DOCK2: variants seen among roughly 807,000 people sequenced by gnomAD.
DOCK2 encodes the protein dedicator of cytokinesis protein 2.
A neutral mutation model predicts 248.9 loss-of-function variants in DOCK2; 87 were observed. The observed-to-expected ratio is 0.35, with a 90% CI of 0.29 to 0.42. DOCK2 has a LOEUF of 0.42. Among genes scored for constraint, DOCK2 ranks in the 10% least tolerant of loss-of-function variants. DOCK2 has a pLI of 1.00. For missense variants in DOCK2, 1,747 were observed against 2,300.2 expected (o/e 0.76, Z 4.92); for synonymous variants, 805 against 821.6 (o/e 0.98, Z 0.35).
intron 27 of DOCK2, among the ~76,000 whole-genome samples, chr5:169,915,602 A>G (rs1774832223): frequency 6.7e-6 from 1 of 150,274 alleles, no homozygotes; most frequent in African/African-American, 2.5e-5. Context: ...ACACACACAC[A>G]GAGGGAGGGA....
In DOCK2 at chr5:169,702,389, A is replaced by G. The variant is rs1411417063; in HGVS notation, c.1345A>G (p.Ile449Val). Residue 449 changes from isoleucine (I) to valine (V), a missense_variant, in exon 14 of 52, where the codon ATC becomes GTC. Coordinates refer to ENST00000520908, the MANE Select transcript of DOCK2 (RefSeq NM_004946.3). ...GACCACACAGAGGAATGTGGAAGTC[A>G]TCATGTGTGTGTGCGCGGAGGATGG... is the stretch of plus-strand genomic sequence containing the variant. ...NKTTQRNVEV[I>V]MCVCAEDGKT... is the part of the protein sequence containing the mutation. 1.9e-6 allele frequency: 3 copies of G among 1,613,888 alleles called. No homozygotes were observed. The highest frequency in any genetic ancestry group is 2.5e-6 in the Non-Finnish European group (3 of 1,179,892).
intron 41 of DOCK2, 47 bp downstream of exon 41, chr5:170,050,444 C>G (rs2113852678): frequency 1.3e-6 from 2 of 1,569,274 alleles, no homozygotes; most frequent in Non-Finnish European, 1.7e-6. Flanking sequence ...CTGAGCAGCC[C>G]TGCCAGGGCT....
chr5:169,645,994 CCA>C (rs1757436309), intron 1 of DOCK2, among the ~76,000 whole-genome samples: 4 of 152,248 alleles, frequency 2.6e-5, no homozygotes, highest in African/African-American at 9.6e-5. Flanking sequence ...CATGATCCGC[CCA>C]TCTCAGCCTC....
At chr5:169,914,274 C>T (rs1428744872) in intron 27 of DOCK2, among the ~76,000 whole-genome samples, 1 of 152,184 alleles carries the variant, frequency 6.6e-6, no homozygotes, top group Non-Finnish European at 1.5e-5. Flanking sequence ...CTCAATTCAC[C>T]TTACCCCATT....
At chr5:169,959,193 C>G (rs1776982143) in intron 27 of DOCK2, among the ~76,000 whole-genome samples, 1 of 151,964 alleles carries the variant, frequency 6.6e-6, no homozygotes, top group South Asian at 2.1e-4. Flanking sequence ...GACATTGAGA[C>G]CATCCTGGCT....
chr5:169,661,115 T>G (rs1178543637), intron 2 of DOCK2, among the ~76,000 whole-genome samples: 1 of 152,222 alleles, frequency 6.6e-6, no homozygotes, highest in East Asian at 1.9e-4. Context: ...GGACAAACTC[T>G]CTGAGTTTTT....
intron 26 of DOCK2, among the ~76,000 whole-genome samples, chr5:169,825,648 A>G (rs1463741892): frequency 6.6e-6 from 1 of 150,922 alleles, no homozygotes; most frequent in Non-Finnish European, 1.5e-5. Context: ...GAGAGATAGC[A>G]TTAGGAGAAA....
intron 26 of DOCK2, among the ~76,000 whole-genome samples, chr5:169,807,782 C>T (rs998909696): frequency 2.3e-5 from 3 of 129,234 alleles, no homozygotes; most frequent in Admixed American, 9.7e-5. Flanking sequence ...TGCAGTGAGC[C>T]GAGATCATGG....
intron 1 of DOCK2, among the ~76,000 whole-genome samples, chr5:169,649,132 G>A (rs572108152): frequency 6.6e-6 from 1 of 152,310 alleles, no homozygotes; most frequent in African/African-American, 2.4e-5. Flanking sequence ...TTTCCCCCTG[G>A]AGTGGAGACT....
intron 6 of DOCK2, among the ~76,000 whole-genome samples, chr5:169,675,080 C>T (rs1010185206): frequency 3.3e-5 from 5 of 152,218 alleles, no homozygotes; most frequent in African/African-American, 1.2e-4. Context: ...TATAATAACT[C>T]TATGGAGTAT....
chr5:169,942,324 C>A (rs1776274918), intron 27 of DOCK2, among the ~76,000 whole-genome samples: 1 of 152,128 alleles, frequency 6.6e-6, no homozygotes, highest in African/African-American at 2.4e-5. Context: ...CATGCCTCTC[C>A]CATGGTCTAA....
chr5:169,974,553 C>T (rs13184164), intron 27 of DOCK2, among the ~76,000 whole-genome samples: 36,537 of 152,090 alleles, frequency 0.24, 4,872 homozygotes, highest in Non-Finnish European at 0.31. Flanking sequence ...CCTTTACCCA[C>T]AGAAGGTTGA....
intron 27 of DOCK2, among the ~76,000 whole-genome samples, chr5:169,865,521 G>T (rs572293504): frequency 6.6e-6 from 1 of 152,170 alleles, no homozygotes; most frequent in Non-Finnish European, 1.5e-5. Context: ...GCTGAGCACG[G>T]GTTCCCTCTG....
intron 27 of DOCK2, among the ~76,000 whole-genome samples, chr5:169,981,841 T>G (rs944105937): frequency 3.3e-5 from 5 of 152,214 alleles, no homozygotes; most frequent in African/African-American, 1.2e-4. Context: ...ATAATGCTAT[T>G]GCATACTTAA....
chr5:170,077,782 T>C lies in DOCK2; in HGVS notation c.4939T>C (p.Ser1647Pro). ...CTCATACAGACAGATGTCCATCATC[T>C]CTCTGGCTTCCATGAATTCTGACTG... ...LRSYRQMSIISLASMNSDCST... is the reference protein window; with the variant it reads ...LRSYRQMSIIPLASMNSDCST... The change falls in exon 48 of 52, where the codon TCT (serine) becomes CCT (proline). Residue 1647 changes from serine (S) to proline (P), a missense_variant. Ser to Pro is a moderately conservative substitution (Grantham distance 74). Transcript: ENST00000520908. 6.2e-7 allele frequency: 1 copy of C among 1,613,746 alleles called. No individual in the cohort carries two copies. Among genetic ancestry groups the C allele is most frequent in the Non-Finnish European group, 8.5e-7 (1 of 1,179,964 alleles).
At chr5:170,020,464 T>C (rs1755682876) in intron 33 of DOCK2, among the ~76,000 whole-genome samples, 1 of 152,242 alleles carries the variant, frequency 6.6e-6, no homozygotes, top group Admixed American at 6.5e-5. Flanking sequence ...ATGATGATGA[T>C]GATTATAATG....
intron 29 of DOCK2, 94 bp downstream of exon 29, chr5:169,986,016 C>G: frequency 1.7e-6 from 2 of 1,199,110 alleles, no homozygotes; most frequent in Non-Finnish European, 2.3e-6. Context: ...TTTCTCCTTG[C>G]TGAAAAGAAA....
At chr5:169,903,513 A>AGGAGCC (rs1219085346) in intron 27 of DOCK2, among the ~76,000 whole-genome samples, 48 of 114,940 alleles carry the variant, frequency 4.2e-4, no homozygotes, top group African/African-American at 1.4e-3. Flanking sequence ...GGAAGAGAGT[A>AGGAGCC]GGAGCCAGCG....
At chr5:169,988,279 T>C (rs1384281070) in intron 29 of DOCK2, among the ~76,000 whole-genome samples, 2 of 152,012 alleles carry the variant, frequency 1.3e-5, no homozygotes, top group Non-Finnish European at 2.9e-5. Flanking sequence ...CTAACATTTA[T>C]TAAGTACCGA....
Sources: allele counts gnomAD v4.1 joint callset (sites outside exome capture counted in the v4.1 genomes callset), GRCh38; gene constraint gnomAD v4.1.1; transcripts MANE v1.5; gene names NCBI Gene and HGNC (gene_info 2026-07-23, HGNC 2026-07-21).